Variants in DOCK2 observed in about 807,000 individuals in gnomAD.
DOCK2 encodes dedicator of cytokinesis protein 2.
A neutral mutation model predicts 248.9 loss-of-function variants in DOCK2; 87 were observed. The ratio of observed to expected loss-of-function variants is 0.35; its 90% CI spans 0.29 to 0.42. DOCK2 has a LOEUF of 0.42. Among genes scored for constraint, DOCK2 ranks in the 10% least tolerant of loss-of-function variants. DOCK2 has a pLI of 1.00. For synonymous variants in DOCK2, 805 were observed against 821.6 expected (o/e 0.98, Z 0.35); for missense variants, 1,747 against 2,300.2 (o/e 0.76, Z 4.92).
intron 27 of DOCK2, among the ~76,000 whole-genome samples, chr5:169,904,183 A>G (rs1774140116): frequency 6.6e-6 from 1 of 151,924 alleles, no homozygotes; most frequent in East Asian, 1.9e-4. Context: ...GGGTAAAAGC[A>G]GCATACTGAC....
At chr5:169,956,861 A>T (rs1776885809) in intron 27 of DOCK2, among the ~76,000 whole-genome samples, 1 of 152,144 alleles carries the variant, frequency 6.6e-6, no homozygotes, top group Admixed American at 6.5e-5. Context: ...GAATGCATCA[A>T]ATATAAGGAA....
intron 38 of DOCK2, among the ~76,000 whole-genome samples, chr5:170,042,713 G>T (rs1290746123): frequency 6.6e-6 from 1 of 152,178 alleles, no homozygotes. Flanking sequence ...GGCCTTCCCT[G>T]ACCACCACTA....
At chr5:169,886,357 T>C (rs1332815107) in intron 27 of DOCK2, among the ~76,000 whole-genome samples, 2 of 152,196 alleles carry the variant, frequency 1.3e-5, no homozygotes, top group African/African-American at 4.8e-5. Flanking sequence ...TTCCAAACAA[T>C]GCAACTTTTA....
intron 25 of DOCK2, among the ~76,000 whole-genome samples, chr5:169,793,108 G>T (rs1233012185): frequency 6.6e-6 from 1 of 152,150 alleles, no homozygotes; most frequent in East Asian, 1.9e-4. Context: ...TTCATTACTT[G>T]CCAGTTGAGG....
At chr5:169,810,981 T>G (rs1348007147) in intron 26 of DOCK2, among the ~76,000 whole-genome samples, 1 of 142,034 alleles carries the variant, frequency 7.0e-6, no homozygotes, top group Non-Finnish European at 1.5e-5. Flanking sequence ...ACTCTCTCTC[T>G]CTCTCTCTCA....
intron 27 of DOCK2, chr5:169,882,855 C>T (rs373092434): frequency 1.4e-5 from 21 of 1,550,890 alleles, no homozygotes; most frequent in Admixed American, 7.8e-5. Context: ...GGGCAGATTT[C>T]GATGCACTGT....
intron 30 of DOCK2, 78 bp downstream of exon 30, chr5:169,996,242 C>T: frequency 2.1e-6 from 3 of 1,455,912 alleles, no homozygotes; most frequent in Non-Finnish European, 2.8e-6. Flanking sequence ...CTCCATCAGA[C>T]ACATCCCAAA....
chr5:169,675,206 GCAGTCTGGCTCCAGGGTC>G (rs779056690), intron 6 of DOCK2, among the ~76,000 whole-genome samples: 1 of 152,192 alleles, frequency 6.6e-6, no homozygotes, highest in Non-Finnish European at 1.5e-5. Context: ...TTAGACCCAG[GCAGTCTGGCTCCAGGGTC>G]CACCTGGAGT....
chr5:169,902,493 CA>C (rs2113585123), intron 27 of DOCK2, among the ~76,000 whole-genome samples: 1 of 152,304 alleles, frequency 6.6e-6, no homozygotes, highest in Non-Finnish European at 1.5e-5. Context: ...CAAGAGGCCA[CA>C]GGCTATTAAG....
intron 26 of DOCK2, among the ~76,000 whole-genome samples, chr5:169,810,860 G>A (rs568158056): frequency 6.6e-5 from 10 of 151,844 alleles, no homozygotes; most frequent in African/African-American, 1.2e-4. Flanking sequence ...CTTTATCCCC[G>A]TCTTCTACTC....
intron 9 of DOCK2, 85 bp from the exon 10 acceptor site, chr5:169,695,718 G>A (rs1760578461): frequency 6.3e-7 from 1 of 1,581,646 alleles, no homozygotes; most frequent in Non-Finnish European, 8.6e-7. Flanking sequence ...ACATCCCTCA[G>A]AAATTACTAT....
intron 22 of DOCK2, among the ~76,000 whole-genome samples, chr5:169,741,215 G>A (rs572927322): frequency 1.3e-5 from 2 of 152,274 alleles, no homozygotes; most frequent in East Asian, 1.9e-4. Flanking sequence ...CTTGATGGTG[G>A]GGAAGAGGTG....
intron 44 of DOCK2, among the ~76,000 whole-genome samples, chr5:170,059,128 C>T (rs1242691883): frequency 1.3e-5 from 2 of 152,048 alleles, no homozygotes; most frequent in Non-Finnish European, 1.5e-5. Flanking sequence ...CTGTCAGGCA[C>T]CTGGCTTGGA....
chr5:169,869,734 C>T (rs1561780815), intron 27 of DOCK2, among the ~76,000 whole-genome samples: 1 of 152,146 alleles, frequency 6.6e-6, no homozygotes, highest in Non-Finnish European at 1.5e-5. Context: ...CTTAGCAGAG[C>T]GTTGTTTGCA....
chr5:170,056,821 G>C (rs370792409), intron 43 of DOCK2, 53 bp downstream of exon 43: 61 of 1,531,430 alleles, frequency 4.0e-5, no homozygotes, highest in African/African-American at 2.6e-4. Context: ...GGAGGAACCA[G>C]AGCATGCATC....
At chr5:169,806,389 T>C (rs1402402757) in intron 26 of DOCK2, among the ~76,000 whole-genome samples, 1 of 152,064 alleles carries the variant, frequency 6.6e-6, no homozygotes, top group African/African-American at 2.4e-5. Flanking sequence ...CCTCAAGTGA[T>C]CCTCCTGCCT....
At chr5:170,022,830 G>A (rs752988112) in intron 33 of DOCK2, among the ~76,000 whole-genome samples, 51 of 152,326 alleles carry the variant, frequency 3.3e-4, no homozygotes, top group Admixed American at 2.2e-3. Flanking sequence ...TGAGATGCAC[G>A]TGGTGGGCAC....
chr5:169,790,825 G>T (rs1457328267), intron 25 of DOCK2, among the ~76,000 whole-genome samples: 1 of 152,154 alleles, frequency 6.6e-6, no homozygotes, highest in East Asian at 1.9e-4. Flanking sequence ...CTCATCCAAG[G>T]TTACACACAG....
Position 169,803,038 on chromosome 5 carries a change from C to G in DOCK2, c.2555-20C>G, listed in dbSNP as rs1314109994. ...AAAAAATGAGGAATTCTACACTACT[C>G]TGAACTGTCTTTATTCCAGAATGCC... On this transcript the variant is annotated intron_variant, in intron 25 of 51. Transcript: ENST00000520908. 6.2e-7 allele frequency: 1 copy of G among 1,613,750 alleles called. No individual in the cohort carries two copies.
Sources: allele counts gnomAD v4.1 joint callset (sites outside exome capture counted in the v4.1 genomes callset), GRCh38; gene constraint gnomAD v4.1.1; transcripts MANE v1.5; gene names NCBI Gene and HGNC (gene_info 2026-07-23, HGNC 2026-07-21).